BBX: variants seen among roughly 807,000 people sequenced by gnomAD.
BBX encodes HMG box transcription factor BBX.
In BBX, 30 loss-of-function variants were observed where a neutral mutation model predicts 100.2. The ratio of observed to expected loss-of-function variants is 0.30; its 90% CI spans 0.22 to 0.41. The LOEUF (loss-of-function observed/expected upper bound fraction) is 0.41, where lower values mean the gene tolerates loss of function less well. Among genes scored for constraint, BBX ranks in the 10% least tolerant of loss-of-function variants. BBX has a pLI of 1.00. For synonymous variants in BBX, 376 were observed against 388.1 expected, an observed-to-expected ratio of 0.97 and a Z score of 0.37; for missense variants, 1,023 against 1,129.8, an observed-to-expected ratio of 0.91 and a Z score of 1.35.
intron 2 of BBX, among the ~76,000 whole-genome samples, chr3:107,603,671 C>T (rs2054225620): frequency 6.6e-6 from 1 of 152,156 alleles, no homozygotes; most frequent in Non-Finnish European, 1.5e-5. Flanking sequence ...AGCCACCGTA[C>T]CCGGCCTCCT....
intron 17 of BBX, among the ~76,000 whole-genome samples, chr3:107,803,678 C>T (rs1375571062): frequency 6.6e-6 from 1 of 152,192 alleles, no homozygotes; most frequent in Non-Finnish European, 1.5e-5. Context: ...CGTTAATTAA[C>T]TTGCCAAGAG....
chr3:107,552,639 A>G (rs910605559), intron 2 of BBX, among the ~76,000 whole-genome samples: 4 of 152,234 alleles, frequency 2.6e-5, no homozygotes, highest in African/African-American at 9.6e-5. Context: ...TGACTTCTCT[A>G]AATCATTGTT....
chr3:107,714,974 CAG>C (rs1244581238), intron 4 of BBX, among the ~76,000 whole-genome samples: 1 of 152,000 alleles, frequency 6.6e-6, no homozygotes, highest in Non-Finnish European at 1.5e-5. Context: ...TTAGTAGAGA[CAG>C]GGCTTCACCA....
intron 13 of BBX, among the ~76,000 whole-genome samples, chr3:107,778,997 A>ATATATATATATATATATATATATATATG (rs1559703065): frequency 1.2e-4 from 8 of 65,936 alleles, no homozygotes; most frequent in African/African-American, 3.3e-4. Flanking sequence ...CCAGCAACAT[A>ATATATATATATATATATATATATATATG]TATATATATA....
At chr3:107,743,630 T>C (rs1355428467) in intron 7 of BBX, among the ~76,000 whole-genome samples, 1 of 152,204 alleles carries the variant, frequency 6.6e-6, no homozygotes, top group Non-Finnish European at 1.5e-5. Context: ...CTTAAGAGGG[T>C]CAGTGAGAAA....
At position 107,772,808 on chromosome 3, in the gene BBX, A is replaced by C; in HGVS notation, c.1087A>C (p.Asn363His). 6.2e-7 allele frequency: 1 copy of C among 1,613,556 alleles called. No individual in the cohort carries two copies. The highest frequency in any genetic ancestry group is 8.5e-7 in the Non-Finnish European group (1 of 1,179,896). ...AGAATTTGAAAAATCGGCTAAGGAA[A>C]ATTTAAGAGATTCTAAGGAATTGAG... Reference protein sequence around the residue: ...EAEFEKSAKENLRDSKELRNF... With the variant: ...EAEFEKSAKEHLRDSKELRNF... Residue 363 changes from asparagine to histidine, a missense_variant, in exon 11 of 18, where the codon AAT becomes CAT. Around this residue, in one of 9 missense-constraint regions of BBX, gnomAD observed 348 missense variants for 353.2 expected, o/e 0.99. Coordinates refer to ENST00000325805, the MANE Select transcript of BBX (RefSeq NM_001142568.3).
chr3:107,615,353 A>G (rs941510292), intron 2 of BBX, among the ~76,000 whole-genome samples: 1 of 152,190 alleles, frequency 6.6e-6, no homozygotes, highest in Admixed American at 6.5e-5. Context: ...AATACCATAC[A>G]CTGGGTAGCT....
At chr3:107,618,966 G>A (rs1426314575) in intron 2 of BBX, among the ~76,000 whole-genome samples, 1 of 151,998 alleles carries the variant, frequency 6.6e-6, no homozygotes, top group Non-Finnish European at 1.5e-5. Flanking sequence ...TAATTGTTCT[G>A]TCAATTGCTG....
At chr3:107,531,944 GC>G (rs779454704) in intron 2 of BBX, among the ~76,000 whole-genome samples, 1 of 152,158 alleles carries the variant, frequency 6.6e-6, no homozygotes, top group Non-Finnish European at 1.5e-5. Context: ...TGTAATCCCA[GC>G]CCTTTGGGAG....
chr3:107,740,728 G>A (rs138299642), intron 7 of BBX, among the ~76,000 whole-genome samples: 12 of 151,832 alleles, frequency 7.9e-5, no homozygotes, highest in Non-Finnish European at 1.2e-4. Flanking sequence ...TCCTGTTACC[G>A]TATCATTTCT....
intron 3 of BBX, among the ~76,000 whole-genome samples, chr3:107,666,797 C>G (rs1159050219): frequency 6.6e-6 from 1 of 152,162 alleles, no homozygotes; most frequent in Non-Finnish European, 1.5e-5. Context: ...GTCTCAATCT[C>G]TTGACCTCAT....
Position 107,807,113 on chromosome 3 carries a change from T to G in BBX, c.*1656T>G, listed in dbSNP as rs917730557. On this transcript the variant is annotated 3_prime_UTR_variant, in exon 18 of 18. Transcript: ENST00000325805. Reference sequence around the variant, plus strand: ...CATACTAGGTTTAGCTTCTCATGGTTGTAGATATTACTTCAGTTCCGGTGC... The same window carrying G: ...CATACTAGGTTTAGCTTCTCATGGTGGTAGATATTACTTCAGTTCCGGTGC... 1.4e-4 allele frequency: 22 copies of G among 152,162 alleles called. No individual in the cohort carries two copies. The highest frequency in any genetic ancestry group is 3.2e-4 in the Non-Finnish European group (22 of 68,018). 9.4% of individuals were successfully genotyped at this position (152,162 alleles called of 1,614,324 possible). A position where few individuals can be genotyped will look rare whatever the true frequency, so the allele number is the denominator to read the frequency against.
At chr3:107,785,841 G>C (rs2068364356) in intron 13 of BBX, among the ~76,000 whole-genome samples, 2 of 151,920 alleles carry the variant, frequency 1.3e-5, no homozygotes, top group Non-Finnish European at 2.9e-5. Flanking sequence ...AATTAGGTAA[G>C]AAACAGAAAC....
chr3:107,803,864 T>C (rs2070787086), intron 17 of BBX, among the ~76,000 whole-genome samples: 2 of 152,034 alleles, frequency 1.3e-5, no homozygotes, highest in Admixed American at 6.6e-5. Context: ...CTGACTTCTT[T>C]CCTTTTTCCA....
chr3:107,743,423 T>A (rs1256237477), intron 7 of BBX, among the ~76,000 whole-genome samples: 1 of 152,228 alleles, frequency 6.6e-6, no homozygotes, highest in Non-Finnish European at 1.5e-5. Context: ...TATCAAATAG[T>A]GACAATAAGA....
intron 2 of BBX, among the ~76,000 whole-genome samples, chr3:107,572,788 A>G (rs1043117172): frequency 5.3e-5 from 8 of 152,216 alleles, no homozygotes; most frequent in Admixed American, 4.6e-4. Context: ...AAAGAATGCA[A>G]AACATCCAGG....
At chr3:107,766,433 T>C (rs2066400940) in intron 10 of BBX, among the ~76,000 whole-genome samples, 1 of 152,164 alleles carries the variant, frequency 6.6e-6, no homozygotes, top group African/African-American at 2.4e-5. Context: ...TTTAACTGTT[T>C]AGAGCTACAT....
chr3:107,795,917 T>C (rs1310607555), intron 15 of BBX, among the ~76,000 whole-genome samples: 1 of 152,210 alleles, frequency 6.6e-6, no homozygotes, highest in Non-Finnish European at 1.5e-5. Flanking sequence ...ATGAAACCAT[T>C]TGAAGGCTCA....
At chr3:107,798,920 G>T (rs1457665684) in intron 16 of BBX, among the ~76,000 whole-genome samples, 200 bp downstream of exon 16, 1 of 151,646 alleles carries the variant, frequency 6.6e-6, no homozygotes, top group Non-Finnish European at 1.5e-5. Flanking sequence ...GGAGGCTGAG[G>T]TGGGTGGATC....
Sources: allele counts gnomAD v4.1 joint callset (sites outside exome capture counted in the v4.1 genomes callset), GRCh38; gene constraint gnomAD v4.1.1; regional missense constraint gnomAD v4.1.1; transcripts MANE v1.5; gene names NCBI Gene and HGNC (gene_info 2026-07-23, HGNC 2026-07-21).